Variants in DLC1 observed in about 807,000 individuals in gnomAD.
DLC1 encodes the protein rho GTPase-activating protein 7.
In DLC1, 54 loss-of-function variants were observed where a neutral mutation model predicts 140.3. That is an observed-to-expected ratio of 0.38 (90% confidence interval 0.31 to 0.48). The LOEUF (loss-of-function observed/expected upper bound fraction) is 0.48. Among genes scored for constraint, DLC1 ranks in the 20% least tolerant of loss-of-function variants. The pLI is 0.96. For missense variants in DLC1, 2,536 were observed against 1,907.0 expected, an observed-to-expected ratio of 1.33 and a Z score of -6.14; for synonymous variants, 986 against 728.1, an observed-to-expected ratio of 1.35 and a Z score of -5.70.
At chr8:13,345,925 G>A (rs1170444789) in intron 4 of DLC1, among the ~76,000 whole-genome samples, 3 of 152,102 alleles carry the variant, frequency 2.0e-5, no homozygotes, top group African/African-American at 7.2e-5. Flanking sequence ...TCTTAGGGAG[G>A]CTCATAAACC....
intron 1 of DLC1, 87 bp downstream of exon 1, chr8:13,514,515 C>A (rs1042518970): frequency 2.5e-6 from 1 of 398,294 alleles, no homozygotes; most frequent in Admixed American, 4.4e-5. Flanking sequence ...AAGTCACCAA[C>A]TCCGTGCAAG....
chr8:13,495,716 A>C (rs1801469338), intron 2 of DLC1, among the ~76,000 whole-genome samples: 1 of 152,224 alleles, frequency 6.6e-6, no homozygotes, highest in Non-Finnish European at 1.5e-5. Flanking sequence ...CTGAAATATC[A>C]TCGGAAACTA....
intron 2 of DLC1, among the ~76,000 whole-genome samples, chr8:13,421,545 G>A (rs552311600): frequency 1.3e-5 from 2 of 152,270 alleles, no homozygotes; most frequent in Non-Finnish European, 2.9e-5. Flanking sequence ...TCTGTTTAAT[G>A]GAAGATAACT....
chr8:13,581,588 C>T (rs1223544889), intron 1 of DLC1, among the ~76,000 whole-genome samples: 2 of 152,170 alleles, frequency 1.3e-5, no homozygotes, highest in Non-Finnish European at 2.9e-5. Context: ...CACTGTCACC[C>T]ACCTTATTTC....
At chr8:13,425,106 A>G (rs1008914733) in intron 2 of DLC1, among the ~76,000 whole-genome samples, 1 of 151,942 alleles carries the variant, frequency 6.6e-6, no homozygotes, top group African/African-American at 2.4e-5. Context: ...CCAAGTTCCT[A>G]GAACACAATG....
chr8:13,339,010 A>G (rs1586162475), intron 4 of DLC1, among the ~76,000 whole-genome samples: 1 of 152,358 alleles, frequency 6.6e-6, no homozygotes, highest in East Asian at 1.9e-4. Context: ...AGCACTTCAT[A>G]TGTAACAATG....
chr8:13,254,158 C>A (rs769340238), intron 5 of DLC1, among the ~76,000 whole-genome samples: 1 of 151,342 alleles, frequency 6.6e-6, no homozygotes, highest in Non-Finnish European at 1.5e-5. Context: ...TTTCCCCCAC[C>A]CCAACCCGAC....
rs1818917731 is a variant in DLC1 at position 13,100,158 on chromosome 8, G to A, written c.2179C>T (p.Pro727Ser). The A allele has an allele frequency of 6.2e-7, 1 of 1,614,122 alleles. No homozygotes were observed. The highest frequency in any genetic ancestry group is 8.5e-7 in the Non-Finnish European group (1 of 1,180,026). Reference sequence around the variant, plus strand: ...GAAACGCTCCTCTTTCGTACCATGGGGACGTTGATGCGGTTGCCATTGAGG... The same window carrying A: ...GAAACGCTCCTCTTTCGTACCATGGAGACGTTGATGCGGTTGCCATTGAGG... ...SALNGNRINV[P>S]MVRKRSVSNS... Residue 727 changes from proline to serine, a missense_variant, in exon 9 of 18, where the codon CCC (proline) becomes TCC (serine). Physicochemically the swap from Pro to Ser is moderately conservative, Grantham distance 74. Transcript: ENST00000276297.
chr8:13,096,768 T>A (rs1398468862), intron 10 of DLC1, among the ~76,000 whole-genome samples: 1 of 152,238 alleles, frequency 6.6e-6, no homozygotes, highest in Non-Finnish European at 1.5e-5. Flanking sequence ...AAGAACAGTT[T>A]CCTTGCTTTG....
chr8:13,599,795 G>A (rs1340813158), intron 1 of DLC1, among the ~76,000 whole-genome samples: 2 of 151,706 alleles, frequency 1.3e-5, no homozygotes, highest in African/African-American at 4.8e-5. Flanking sequence ...AAATGCAAAG[G>A]TCCTTTAGTA....
intron 1 of DLC1, among the ~76,000 whole-genome samples, chr8:13,581,521 C>T (rs1308584624): frequency 2.0e-5 from 3 of 152,166 alleles, no homozygotes; most frequent in African/African-American, 4.8e-5. Context: ...ACAGCTAACC[C>T]TGTATTTTCT....
chr8:13,394,209 C>G (rs780172956), intron 3 of DLC1, among the ~76,000 whole-genome samples: 1 of 152,302 alleles, frequency 6.6e-6, no homozygotes, highest in East Asian at 1.9e-4. Flanking sequence ...AATATTTGAG[C>G]TGAAATGTCT....
intron 5 of DLC1, among the ~76,000 whole-genome samples, chr8:13,149,403 C>CT (rs1823651955): frequency 1.3e-5 from 2 of 152,184 alleles, no homozygotes; most frequent in South Asian, 4.1e-4. Context: ...CTGAAGCAGT[C>CT]TGTGTCTTTC....
chr8:13,112,473 A>T (rs1457376370), intron 6 of DLC1, among the ~76,000 whole-genome samples: 1 of 152,212 alleles, frequency 6.6e-6, no homozygotes, highest in Non-Finnish European at 1.5e-5. Flanking sequence ...TAATATAAGC[A>T]GACCAAGGAA....
intron 5 of DLC1, among the ~76,000 whole-genome samples, chr8:13,220,494 A>C (rs1416102115): frequency 1.3e-5 from 2 of 152,158 alleles, no homozygotes; most frequent in Admixed American, 1.3e-4. Context: ...CAGAGACCAA[A>C]TGTTCCCCAA....
intron 5 of DLC1, among the ~76,000 whole-genome samples, chr8:13,155,201 G>T (rs1440540887): frequency 2.0e-5 from 3 of 150,154 alleles, no homozygotes; most frequent in African/African-American, 7.4e-5. Flanking sequence ...TTTAAAGTAT[G>T]CATAGAATTC....
intron 4 of DLC1, among the ~76,000 whole-genome samples, chr8:13,362,694 A>G (rs945624343): frequency 2.0e-5 from 3 of 152,148 alleles, no homozygotes; most frequent in Admixed American, 6.6e-5. Flanking sequence ...TATTATATTT[A>G]CAATAAAACT....
At chr8:13,232,004 T>C (rs1297377315) in intron 5 of DLC1, among the ~76,000 whole-genome samples, 6 of 152,208 alleles carry the variant, frequency 3.9e-5, no homozygotes, top group Non-Finnish European at 7.4e-5. Context: ...TGTTTACTTT[T>C]GTTCACTTTA....
At chr8:13,360,425 A>C (rs977458080) in intron 4 of DLC1, among the ~76,000 whole-genome samples, 6 of 152,190 alleles carry the variant, frequency 3.9e-5, no homozygotes, top group Non-Finnish European at 8.8e-5. Flanking sequence ...AGGGTTGCAA[A>C]CCATTGATCT....
Sources: allele counts gnomAD v4.1 joint callset (sites outside exome capture counted in the v4.1 genomes callset), GRCh38; gene constraint gnomAD v4.1.1; transcripts MANE v1.5; gene names NCBI Gene and HGNC (gene_info 2026-07-23, HGNC 2026-07-21).